PCBP3: variants seen among roughly 807,000 people sequenced by gnomAD.
PCBP3 encodes the protein poly(rC) binding protein 3.
A neutral mutation model predicts 52.7 loss-of-function variants in PCBP3; 25 were observed. The ratio of observed to expected loss-of-function variants is 0.47; its 90% CI spans 0.35 to 0.66. PCBP3 has a LOEUF of 0.66. Among genes scored for constraint, PCBP3 ranks in the 30% least tolerant of loss-of-function variants. PCBP3 has a pLI of 0.01. For synonymous variants in PCBP3, 162 were observed against 183.0 expected, an observed-to-expected ratio of 0.89 and a Z score of 0.93; for missense variants, 391 against 490.3, an observed-to-expected ratio of 0.80 and a Z score of 1.91.
chr21:45,790,424 G>C (rs1211202846), intron 4 of PCBP3, among the ~76,000 whole-genome samples: 1 of 152,176 alleles, frequency 6.6e-6, no homozygotes, highest in Non-Finnish European at 1.5e-5. Flanking sequence ...GTGCCATTCA[G>C]GCAGAGCAGT....
intron 11 of PCBP3, among the ~76,000 whole-genome samples, chr21:45,912,526 A>G (rs1037495119): frequency 2.0e-5 from 3 of 152,134 alleles, no homozygotes; most frequent in Admixed American, 1.3e-4. Flanking sequence ...CCAGGGTGCC[A>G]TGAGTCTGGG....
chr21:45,699,074 A>C (rs2082956113), intron 2 of PCBP3, among the ~76,000 whole-genome samples: 2 of 152,192 alleles, frequency 1.3e-5, no homozygotes, highest in Admixed American at 1.3e-4. Context: ...CACATCCCTG[A>C]GCTTTATGTA....
intron 1 of PCBP3, among the ~76,000 whole-genome samples, chr21:45,650,661 C>T (rs1476685560): frequency 1.3e-5 from 2 of 152,204 alleles, no homozygotes; most frequent in East Asian, 1.9e-4. Flanking sequence ...TGCTATGTTG[C>T]CCAGGCTGGT....
rs540631122 is a variant in PCBP3 at position 45,781,945 on chromosome 21, C to T, written c.-126+26493C>T. Among the ~76,000 whole-genome samples the T allele has an allele frequency of 2.0e-5, 3 of 152,306 alleles. No homozygotes were observed. The South Asian group carries it at 6.2e-4, about 32-fold the overall frequency. On this transcript the variant is annotated intron_variant, in intron 4 of 17. Coordinates refer to ENST00000681687, the MANE Select transcript of PCBP3 (RefSeq NM_001384156.1). ...TGGAAATGCACAATATATATACTTA[C>T]GATTTTTGGTCTGGCTATTCTTACT... is the stretch of plus-strand genomic sequence containing the variant.
At chr21:45,932,926 G>A (rs909524024) in intron 15 of PCBP3, among the ~76,000 whole-genome samples, 4 of 151,724 alleles carry the variant, frequency 2.6e-5, no homozygotes, top group Non-Finnish European at 4.4e-5. Context: ...GCTATCCTGA[G>A]ATGAATGAAC....
rs191538581 is a variant in PCBP3 at position 45,702,414 on chromosome 21, G to A, written c.-199-32978G>A. ...GAAACATCAGGTATAGGCAAATCTC[G>A]GAGCTATTGCAGGTTATGTTCCAGA... On this transcript the variant is annotated intron_variant, in intron 2 of 17. Transcript: ENST00000681687. Among the ~76,000 whole-genome samples, 31 of 152,148 alleles carry A rather than the reference G, an allele frequency of 2.0e-4. 1 individual carries two copies. The highest frequency in any genetic ancestry group is 1.4e-3 in the Admixed American group (21 of 15,288).
chr21:45,876,022 G>A (rs999010198), intron 5 of PCBP3, among the ~76,000 whole-genome samples: 6 of 152,184 alleles, frequency 3.9e-5, no homozygotes, highest in Admixed American at 6.5e-5. Flanking sequence ...GAATGTTCCC[G>A]CTGGACCCTT....
chr21:45,683,430 A>G (rs1305835967), intron 2 of PCBP3, among the ~76,000 whole-genome samples: 4 of 152,196 alleles, frequency 2.6e-5, no homozygotes, highest in Non-Finnish European at 4.4e-5. Flanking sequence ...AGACACAGCA[A>G]AGTAAGGAGA....
At chr21:45,936,528 G>GTGACA (rs1163135914) in intron 16 of PCBP3, among the ~76,000 whole-genome samples, 1 of 152,192 alleles carries the variant, frequency 6.6e-6, no homozygotes, top group East Asian at 1.9e-4. Context: ...CCCAGGTGTG[G>GTGACA]GGTGGCACAG....
chr21:45,746,223 T>G (rs1365834795), intron 3 of PCBP3, among the ~76,000 whole-genome samples: 1 of 101,726 alleles, frequency 9.8e-6, no homozygotes, highest in Non-Finnish European at 1.9e-5. Context: ...GCGCACACGG[T>G]GTTGTCAGCA....
intron 5 of PCBP3, among the ~76,000 whole-genome samples, chr21:45,887,907 G>A (rs893732409): frequency 2.6e-5 from 4 of 152,220 alleles, no homozygotes; most frequent in African/African-American, 4.8e-5. Flanking sequence ...ACGGCGAAGA[G>A]AGACGAGCCA....
At chr21:45,870,264 G>A (rs1320341893) in intron 5 of PCBP3, among the ~76,000 whole-genome samples, 1 of 151,912 alleles carries the variant, frequency 6.6e-6, no homozygotes, top group Admixed American at 6.6e-5. Context: ...CTTTTTTAAG[G>A]AGATATTTTT....
chr21:45,928,829 G>A lies in PCBP3; in HGVS notation c.718-1088G>A, dbSNP rs1045951936. 6.6e-6 allele frequency among the ~76,000 whole-genome samples: 1 copy of A among 152,166 alleles called. No homozygotes were observed. Among genetic ancestry groups the A allele is most frequent in the African/African-American group, 2.4e-5 (1 of 41,442 alleles). On this transcript the variant is annotated intron_variant, in intron 13 of 17. Coordinates refer to ENST00000681687, the MANE Select transcript of PCBP3 (RefSeq NM_001384156.1). This position sits in a 1 kb window ranked among gnomAD's most constrained non-coding sequence, Gnocchi z 4.1. ...TTTATTTGGGTTGAATGTTCTGAAGGGAAAATGCTGGGGAGGTGGTGCCCT... is the reference window on the plus strand; with the variant it reads ...TTTATTTGGGTTGAATGTTCTGAAGAGAAAATGCTGGGGAGGTGGTGCCCT...
At chr21:45,721,795 G>GTATGTGCAT (rs1375283507) in intron 2 of PCBP3, among the ~76,000 whole-genome samples, 1 of 152,152 alleles carries the variant, frequency 6.6e-6, no homozygotes, top group Non-Finnish European at 1.5e-5. Flanking sequence ...TGAAGCAAAT[G>GTATGTGCAT]TATGTGCATT....
At position 45,845,600 on chromosome 21, in the gene PCBP3, C is replaced by T. The variant is rs536693585; in HGVS notation, c.-125-4361C>T. 3.6e-5 allele frequency among the ~76,000 whole-genome samples: 5 copies of T among 138,284 alleles called. No homozygotes were observed. The South Asian group carries it at 7.1e-4, about 20-fold the overall frequency. 90.7% of individuals were successfully genotyped at this position (138,284 alleles called of 152,430 possible). A position where few individuals can be genotyped will look rare whatever the true frequency, so the allele number is the denominator to read the frequency against. The stretch of plus-strand genomic sequence containing the variant: ...CACACGTGTGAGTGTGTGCCTTTGC[C>T]GTGTGTATGCATGTGTGTGAACTGC... On this transcript the variant is annotated intron_variant, in intron 4 of 17. Transcript: ENST00000681687.
intron 5 of PCBP3, among the ~76,000 whole-genome samples, chr21:45,873,512 C>T (rs1569401033): frequency 6.6e-6 from 1 of 152,148 alleles, no homozygotes; most frequent in East Asian, 1.9e-4. Context: ...TGTAAATCTC[C>T]CCTGCCTCCC....
chr21:45,733,167 T>C lies in PCBP3; in HGVS notation c.-199-2225T>C, dbSNP rs115852345. On this transcript the variant is annotated intron_variant, in intron 2 of 17. Coordinates refer to ENST00000681687, the MANE Select transcript of PCBP3 (RefSeq NM_001384156.1). The stretch of plus-strand genomic sequence containing the variant: ...ATTTTTTTAAATCTCAGATGTATTT[T>C]TCATCTCTGCATGCTTGATTTGTGT... Among the ~76,000 whole-genome samples, 1,041 of 152,354 alleles carry C rather than the reference T, an allele frequency of 6.8e-3. 11 individuals carry two copies. Among genetic ancestry groups the C allele is most frequent in the African/African-American group, 0.023 (976 of 41,574 alleles).
At chr21:45,898,170 G>A (rs530109282) in intron 6 of PCBP3, among the ~76,000 whole-genome samples, 1 of 152,326 alleles carries the variant, frequency 6.6e-6, no homozygotes, top group East Asian at 1.9e-4. Flanking sequence ...GTGAGGCCAG[G>A]TGCACGGCCC....
intron 2 of PCBP3, among the ~76,000 whole-genome samples, chr21:45,683,059 A>G (rs7280234): frequency 0.019 from 2,828 of 147,370 alleles, 92 homozygotes; most frequent in African/African-American, 0.069. Context: ...CGTGTCATCA[A>G]TCAGAGAGCT....
Sources: gnomAD v4.1 joint callset for allele counts (sites outside exome capture counted in the v4.1 genomes callset) on GRCh38, gnomAD v4.1.1 for gene constraint, Gnocchi (gnomAD v3.1) non-coding constraint, MANE v1.5 for transcripts, NCBI Gene and HGNC (gene_info 2026-07-23, HGNC 2026-07-21) for gene names.